The following MYZAP variants were observed in gnomAD, a reference collection of about 807,000 sequenced individuals.
MYZAP encodes the protein GRINL1A complex locus upstream.
A neutral mutation model predicts 69.4 loss-of-function variants in MYZAP; 66 were observed. The ratio of observed to expected loss-of-function variants is 0.95; its 90% CI spans 0.78 to 1.17. MYZAP has a LOEUF of 1.17. Ranked by LOEUF, MYZAP falls within the 50% of genes most tolerant of loss-of-function variation. The pLI, the probability that MYZAP is intolerant of heterozygous loss-of-function variation, is 0.00. For synonymous variants in MYZAP, 256 were observed against 205.9 expected (o/e 1.24, Z -2.09); for missense variants, 611 against 556.2 (o/e 1.10, Z -0.99).
intron 11 of MYZAP, among the ~76,000 whole-genome samples, chr15:57,671,654 T>A (rs1294328476): frequency 6.6e-6 from 1 of 152,196 alleles, no homozygotes; most frequent in Admixed American, 6.5e-5. Flanking sequence ...CTTTACCATC[T>A]TCAGTCTTAA....
intron 4 of MYZAP, 65 bp from the exon 5 acceptor site, chr15:57,625,714 T>C: frequency 6.8e-7 from 1 of 1,474,314 alleles, no homozygotes; most frequent in Admixed American, 1.7e-5. Context: ...AGTTCCAGCC[T>C]AACTGAAGAT....
At chr15:57,663,323 T>C (rs925325509) in intron 11 of MYZAP, among the ~76,000 whole-genome samples, 2 of 152,206 alleles carry the variant, frequency 1.3e-5, no homozygotes, top group Non-Finnish European at 2.9e-5. Context: ...TGTTGGTTTA[T>C]GCTCAGTGTA....
chr15:57,627,495 G>C (rs1333920123), intron 5 of MYZAP, among the ~76,000 whole-genome samples: 3 of 152,134 alleles, frequency 2.0e-5, no homozygotes, highest in African/African-American at 7.2e-5. Context: ...GAGGGCTGAT[G>C]CACGGTGTTA....
chr15:57,639,665 A>G, intron 10 of MYZAP, 120 bp downstream of exon 10: 1 of 1,105,020 alleles, frequency 9.0e-7, no homozygotes, highest in Non-Finnish European at 1.3e-6. Context: ...TGCTCAGGCC[A>G]CTGCCATCTA....
chr15:57,630,705 G>A (rs1296920534), intron 6 of MYZAP, among the ~76,000 whole-genome samples: 2 of 152,182 alleles, frequency 1.3e-5, no homozygotes, highest in Non-Finnish European at 2.9e-5. Context: ...GGTGACAGGA[G>A]CAGATCCATG....
intron 8 of MYZAP, 127 bp downstream of exon 8, chr15:57,633,868 C>G: frequency 1.8e-6 from 2 of 1,095,014 alleles, no homozygotes; most frequent in South Asian, 4.0e-5. Flanking sequence ...AAAAAAAAGA[C>G]AAAGCTATAA....
At position 57,604,252 on chromosome 15, in the gene MYZAP, C is replaced by A; in HGVS notation, c.76-17C>A. ...AATGCTGACTCCTAACTGGCCTCTC[C>A]TTTCCCTCTCTTCTAGGCAAATGTT... On this transcript the variant is annotated splice_polypyrimidine_tract_variant and intron_variant, in intron 1 of 12. Transcript: ENST00000267853. The A allele has an allele frequency of 6.2e-7, 1 of 1,613,782 alleles. No individual in the cohort carries two copies. Among genetic ancestry groups the A allele is most frequent in the Non-Finnish European group, 8.5e-7 (1 of 1,179,882 alleles).
intron 10 of MYZAP, among the ~76,000 whole-genome samples, chr15:57,654,136 T>A (rs1396807153): frequency 6.6e-6 from 1 of 151,554 alleles, no homozygotes; most frequent in Non-Finnish European, 1.5e-5. Context: ...GGTTTCAGTT[T>A]GCTTAGGTCA....
At chr15:57,642,510 A>T (rs2037218632) in intron 10 of MYZAP, among the ~76,000 whole-genome samples, 1 of 152,180 alleles carries the variant, frequency 6.6e-6, no homozygotes, top group Non-Finnish European at 1.5e-5. Flanking sequence ...AGCGGATGTT[A>T]AGGACCCTTT....
intron 10 of MYZAP, chr15:57,646,526 A>C (rs1333222029): frequency 2.0e-6 from 2 of 1,021,600 alleles, no homozygotes; most frequent in Admixed American, 5.6e-5. Flanking sequence ...ATCCAGGTGG[A>C]GGCTTGGAAG....
intron 2 of MYZAP, among the ~76,000 whole-genome samples, chr15:57,614,731 A>T (rs535465856): frequency 6.6e-6 from 1 of 152,112 alleles, no homozygotes; most frequent in Non-Finnish European, 1.5e-5. Context: ...GGGATGCTAC[A>T]TGGAGACGTG....
Position 57,685,225 on chromosome 15 carries a change from GAAA to G in MYZAP, c.*728_*730del, listed in dbSNP as rs1187280884. 7 of 152,078 alleles carry G rather than the reference GAAA, an allele frequency of 4.6e-5. No homozygotes were observed. Among genetic ancestry groups the G allele is most frequent in the Non-Finnish European group, 5.9e-5 (4 of 68,024 alleles). 9.4% of individuals were successfully genotyped at this position (152,078 alleles called of 1,614,324 possible). ...CTTAAAGAGAATTTTATATGTCTTGGAAATTTAATAATTTAGTGTTCTCAGTAT... is the reference window on the plus strand; with the variant it reads ...CTTAAAGAGAATTTTATATGTCTTGGTTTAATAATTTAGTGTTCTCAGTAT... On this transcript the variant is annotated 3_prime_UTR_variant, in exon 13 of 13. Transcript: ENST00000267853.
chr15:57,661,139 A>G (rs2038279011), intron 10 of MYZAP, among the ~76,000 whole-genome samples: 1 of 152,200 alleles, frequency 6.6e-6, no homozygotes, highest in Admixed American at 6.5e-5. Context: ...ACACAGCAAA[A>G]TCAGTGTGGA....
intron 10 of MYZAP, among the ~76,000 whole-genome samples, chr15:57,659,389 A>G (rs1314538219): frequency 6.6e-6 from 1 of 152,198 alleles, no homozygotes; most frequent in Non-Finnish European, 1.5e-5. Context: ...GTGTAGAGAT[A>G]CATATTTTAC....
At chr15:57,600,141 T>G (rs2034321567) in intron 1 of MYZAP, among the ~76,000 whole-genome samples, 1 of 152,244 alleles carries the variant, frequency 6.6e-6, no homozygotes, top group African/African-American at 2.4e-5. Flanking sequence ...TTCTGCAACT[T>G]TCTTTCTTCC....
intron 6 of MYZAP, 43 bp downstream of exon 6, chr15:57,629,897 C>T (rs1314061412): frequency 6.3e-7 from 1 of 1,591,962 alleles, no homozygotes; most frequent in South Asian, 1.2e-5. Flanking sequence ...GAACTTTTCT[C>T]CTCTTTACTT....
intron 7 of MYZAP, 91 bp downstream of exon 7, chr15:57,632,650 A>G: frequency 1.3e-6 from 2 of 1,549,868 alleles, no homozygotes; most frequent in Non-Finnish European, 1.7e-6. Context: ...TTATTCTTAG[A>G]GGTGGGTCAG....
At chr15:57,648,583 G>A in intron 10 of MYZAP, 1 of 554,900 alleles carries the variant, frequency 1.8e-6, no homozygotes, top group Non-Finnish European at 2.3e-6. Context: ...ATAAGTAGCT[G>A]GCAGTCTCTC....
chr15:57,604,374 A>G lies in MYZAP; in HGVS notation c.162+19A>G, dbSNP rs573471782. 1 of 1,614,030 alleles carries G rather than the reference A, an allele frequency of 6.2e-7. No homozygotes were observed. The highest frequency in any genetic ancestry group is 1.3e-5 in the African/African-American group (1 of 75,042). ...AGAGCAGGTAAGGTATCTCCGAGGC[A>G]AAGCCCCAACAAGTTCCAGCCTCTA... is the stretch of plus-strand genomic sequence containing the variant. On this transcript the variant is annotated intron_variant, in intron 2 of 12. Transcript: ENST00000267853.
Sources: allele counts gnomAD v4.1 joint callset (sites outside exome capture counted in the v4.1 genomes callset), GRCh38; gene constraint gnomAD v4.1.1; transcripts MANE v1.5; gene names NCBI Gene and HGNC (gene_info 2026-07-23, HGNC 2026-07-21).